ABHD8: variants seen among roughly 807,000 people sequenced by gnomAD.
ABHD8 encodes protein ABHD8.
Under a neutral mutation model 29.3 loss-of-function variants are expected in ABHD8, and 10 were observed. The ratio of observed to expected loss-of-function variants is 0.34; its 90% confidence interval spans 0.21 to 0.58. The LOEUF (loss-of-function observed/expected upper bound fraction) is 0.58, where lower values mean the gene tolerates loss of function less well. ABHD8 is among the 20% of genes least tolerant of loss of function. ABHD8 has a pLI of 0.85. For missense variants in ABHD8, 556 were observed against 615.3 expected (o/e 0.90, Z 1.02); for synonymous variants, 282 against 274.6 (o/e 1.03, Z -0.27).
rs1204403536 is a variant in ABHD8 at position 17,294,683 on chromosome 19, G to A, written c.924C>T (p.Ser308=). ...GGGGTGGGGACACTCACTTGAGGAA[G>A]CTCCAGGCCAGGCAGGGCGACAAGC... ...LHCLSPCLAW[S]FLKAGFARQG... Residue 308 remains serine, a synonymous_variant, in exon 3 of 5, where the codon AGC becomes AGT. Coordinates refer to ENST00000247706, the MANE Select transcript of ABHD8 (RefSeq NM_024527.5). The A allele has an allele frequency of 9.3e-6, 15 of 1,613,714 alleles. No individual in the cohort carries two copies. Among genetic ancestry groups the A allele is most frequent in the African/African-American group, 1.3e-5 (1 of 74,930 alleles).
Position 17,294,392 on chromosome 19 carries a change from C to T in ABHD8, c.1045G>A (p.Glu349Lys). ...TCGGCGTGGTAGACCTCGTCGCCCT[C>T]GGGCCAGTACTGGCCGCTCATCATG... ...RAMMSGQYWP[E>K]GDEVYHAELT... The change falls in exon 4 of 5, where the codon GAG becomes AAG. Residue 349 changes from glutamate to lysine, a missense_variant. Physicochemically the swap from Glu to Lys is moderately conservative, Grantham distance 56. Around this residue, in one of 2 missense-constraint regions of ABHD8, gnomAD observed 270 missense variants for 353.9 expected, o/e 0.76. Transcript: ENST00000247706. 2 of 1,614,034 alleles carry T rather than the reference C, an allele frequency of 1.2e-6. No homozygotes were observed. Among genetic ancestry groups the T allele is most frequent in the Non-Finnish European group, 8.5e-7 (1 of 1,180,008 alleles).
At position 17,294,382 on chromosome 19, in the gene ABHD8, T is replaced by G; in HGVS notation, c.1055A>C (p.Glu352Ala). 2 of 1,613,978 alleles carry G rather than the reference T, an allele frequency of 1.2e-6. No individual in the cohort carries two copies. The highest frequency in any genetic ancestry group is 1.7e-6 in the Non-Finnish European group (2 of 1,179,996). ...CACGGTGAGCTCGGCGTGGTAGACC[T>G]CGTCGCCCTCGGGCCAGTACTGGCC... ...MSGQYWPEGD[E>A]VYHAELTVPV... The change falls in exon 4 of 5, where the codon GAG becomes GCG. Residue 352 changes from glutamate to alanine, a missense_variant. Coordinates refer to ENST00000247706, the MANE Select transcript of ABHD8 (RefSeq NM_024527.5).
chr19:17,293,845 C>A (rs1169068550), intron 4 of ABHD8, among the ~76,000 whole-genome samples: 2 of 152,080 alleles, frequency 1.3e-5, no homozygotes, highest in African/African-American at 2.4e-5. Context: ...TGGCGTGAAC[C>A]ACCTCGCCGG....
chr19:17,302,541 G>T (rs572920393), intron 1 of ABHD8, among the ~76,000 whole-genome samples: 39 of 152,326 alleles, frequency 2.6e-4, no homozygotes, highest in Non-Finnish European at 4.1e-4. Context: ...TAGGAGAGGG[G>T]GATGGGGACT....
chr19:17,294,267 G>T, intron 4 of ABHD8, 21 bp downstream of exon 4: 1 of 1,589,750 alleles, frequency 6.3e-7, no homozygotes, highest in Non-Finnish European at 8.5e-7. Flanking sequence ...TAGCTGTGGC[G>T]CCCCAGGTGC....
rs371431966 is a variant in ABHD8, at chr19:17,301,642, A to C, written c.-8-18T>G. The stretch of plus-strand genomic sequence containing the variant: ...GGTGTGTCCTGTGAGTGAGGACAGC[A>C]GCCAGTTCAGGTGCTGTCTCAATGA... On this transcript the variant is annotated intron_variant, in intron 1 of 4. Transcript: ENST00000247706. The C allele has an allele frequency of 9.3e-5, 141 of 1,519,484 alleles. No individual in the cohort carries two copies. Among genetic ancestry groups the C allele is most frequent in the Non-Finnish European group, 1.2e-4 (133 of 1,137,020 alleles). 94.1% of individuals were successfully genotyped at this position (1,519,484 alleles called of 1,614,324 possible).
In ABHD8 at chr19:17,301,236, G is replaced by A. The variant is rs1442002542; in HGVS notation, c.381C>T (p.Ser127=). 3.1e-6 allele frequency: 5 copies of A among 1,591,486 alleles called. No homozygotes were observed. The highest frequency in any genetic ancestry group is 2.2e-5 in the South Asian group (2 of 89,318). Residue 127 remains serine, a synonymous_variant, in exon 2 of 5, where the codon AGC becomes AGT. Transcript: ENST00000247706. ...CGCTGCCGGGGGCCAAGCGGCCATC[G>A]CTGCCCGCCGGATCTGCCAGCTCCA... ...LEVELADPAG[S]DGRLAPGSAG... is the part of the protein sequence containing the mutation.
In ABHD8 at chr19:17,301,375, C is replaced by T. The variant is rs778010815; in HGVS notation, c.242G>A (p.Arg81Gln). The T allele has an allele frequency of 3.1e-6, 5 of 1,610,988 alleles. No homozygotes were observed. Among genetic ancestry groups the T allele is most frequent in the Non-Finnish European group, 2.5e-6 (3 of 1,179,922 alleles). ...DLSGLVRCQR[R>Q]ITVYRNGRLL... ...CCGCCCATTGCGGTACACGGTGATC[C>T]GGCGCTGACAGCGGACCAAGCCGGA... Residue 81 changes from arginine (R) to glutamine (Q), a missense_variant, in exon 2 of 5, where the codon CGG becomes CAG. By Grantham distance (43) the Arg-to-Gln change is conservative (BLOSUM62 1). Coordinates refer to ENST00000247706, the MANE Select transcript of ABHD8 (RefSeq NM_024527.5).
At position 17,301,499 on chromosome 19, in the gene ABHD8, G is replaced by A. The variant is rs776077620; in HGVS notation, c.118C>T (p.Pro40Ser). 6.2e-7 allele frequency: 1 copy of A among 1,611,864 alleles called. No homozygotes were observed. The highest frequency in any genetic ancestry group is 1.3e-5 in the African/African-American group (1 of 75,036). ...SDGYTFVEVK[P>S]GRVLRVKHAG... The stretch of plus-strand genomic sequence containing the variant: ...TGCTTCACCCGCAGCACGCGGCCGG[G>A]CTTGACCTCTACAAAGGTGTAGCCA... Residue 40 changes from proline (P) to serine (S), a missense_variant, in exon 2 of 5, where the codon CCC becomes TCC. This residue lies in a region of ABHD8 where 286 missense variants were observed against 261.4 expected (regional missense o/e 1.09). Coordinates refer to ENST00000247706, the MANE Select transcript of ABHD8 (RefSeq NM_024527.5).
chr19:17,295,195 T>C (rs933853605), intron 2 of ABHD8, among the ~76,000 whole-genome samples: 54 of 146,790 alleles, frequency 3.7e-4, no homozygotes, highest in Non-Finnish European at 6.3e-4. Flanking sequence ...AAGCTCCGCT[T>C]CCCGGGTTCA....
chr19:17,303,289 G>T lies in ABHD8; in HGVS notation c.-56C>A, dbSNP rs1054970257. 5 of 152,294 alleles carry T rather than the reference G, an allele frequency of 3.3e-5. No individual in the cohort carries two copies. The highest frequency in any genetic ancestry group is 4.8e-5 in the African/African-American group (2 of 41,472). The allele number at this position is 152,294 out of a possible 1,614,324, so 9.4% of individuals were successfully genotyped here. On this transcript the variant is annotated 5_prime_UTR_variant, in exon 1 of 5. Coordinates refer to ENST00000247706, the MANE Select transcript of ABHD8 (RefSeq NM_024527.5). Reference sequence around the variant, plus strand: ...GGGTCGGGGCGGAGGGGTCCCAGGCGGAGAAGCCAGCGTCCGCCTGCTGGC... The same window carrying T: ...GGGTCGGGGCGGAGGGGTCCCAGGCTGAGAAGCCAGCGTCCGCCTGCTGGC...
intron 1 of ABHD8, among the ~76,000 whole-genome samples, 152 bp from the exon 2 acceptor site, chr19:17,301,776 TTGTGTGTGTGTGTG>T (rs10679164): frequency 1.2e-4 from 17 of 147,464 alleles, no homozygotes; most frequent in African/African-American, 2.3e-4. Flanking sequence ...ATTTTTTTGT[TTGTGTGTGTGTGTG>T]TGTGTGTGTG....
chr19:17,297,170 A>G (rs1568347409), intron 2 of ABHD8, among the ~76,000 whole-genome samples: 2 of 152,204 alleles, frequency 1.3e-5, no homozygotes, highest in Non-Finnish European at 2.9e-5. Flanking sequence ...GACTTCCTGT[A>G]TGCCTTTGGG....
intron 2 of ABHD8, among the ~76,000 whole-genome samples, chr19:17,298,977 A>G (rs1211010972): frequency 6.6e-6 from 1 of 152,154 alleles, no homozygotes; most frequent in Non-Finnish European, 1.5e-5. Context: ...CCTGACCTCA[A>G]GTGATCTGCC....
chr19:17,295,597 A>G (rs578147996), intron 2 of ABHD8, among the ~76,000 whole-genome samples: 1 of 149,880 alleles, frequency 6.7e-6, no homozygotes, highest in East Asian at 2.0e-4. Context: ...TAGTAGACAC[A>G]GGGTTTCAGC....
chr19:17,299,517 C>T (rs577046116), intron 2 of ABHD8, among the ~76,000 whole-genome samples: 35 of 144,812 alleles, frequency 2.4e-4, no homozygotes, highest in African/African-American at 8.3e-4. Flanking sequence ...GCCAGGATCA[C>T]GCCACTGCAC....
In ABHD8 at chr19:17,300,983, C is replaced by T. The variant is rs1356615950; in HGVS notation, c.634G>A (p.Gly212Ser). Residue 212 changes from glycine to serine, a missense_variant, in exon 2 of 5, where the codon GGC (glycine) becomes AGC (serine). This residue lies in a region of ABHD8 where 270 missense variants were observed against 353.9 expected (regional missense o/e 0.76). Coordinates refer to ENST00000247706, the MANE Select transcript of ABHD8 (RefSeq NM_024527.5). ...TGGGGCGCAGAGCTGGCCCCGTGGC[C>T]GGCCAGGTCAGGAGCCACCACCTCA... ...GYEVVAPDLAGHGASSAPQVA... is the reference protein window; with the variant it reads ...GYEVVAPDLASHGASSAPQVA... 6 of 1,613,328 alleles carry T rather than the reference C, an allele frequency of 3.7e-6. No individual in the cohort carries two copies. The highest frequency in any genetic ancestry group is 4.2e-6 in the Non-Finnish European group (5 of 1,180,026).
In ABHD8 at chr19:17,303,223, G is replaced by C. The variant is rs1484813179; in HGVS notation, c.-9+19C>G. 6.6e-6 allele frequency: 1 copy of C among 152,256 alleles called. No homozygotes were observed. The highest frequency in any genetic ancestry group is 1.5e-5 in the Non-Finnish European group (1 of 68,058). 9.4% of individuals were successfully genotyped at this position (152,256 alleles called of 1,614,324 possible). The stretch of plus-strand genomic sequence containing the variant: ...CCCGGGGCTTCGATCTCTCCTTTTG[G>C]GGCCCGTTCCCCGCTCACCTCATCG... On this transcript the variant is annotated intron_variant, in intron 1 of 4. Transcript: ENST00000247706.
intron 2 of ABHD8, among the ~76,000 whole-genome samples, chr19:17,299,553 T>G (rs1394277729): frequency 1.1e-5 from 1 of 93,592 alleles, no homozygotes; most frequent in African/African-American, 4.3e-5. Context: ...AGAGTGAGAC[T>G]CCATCTCAAA....
Sources: allele counts gnomAD v4.1 joint callset (sites outside exome capture counted in the v4.1 genomes callset), GRCh38; gene constraint gnomAD v4.1.1; regional missense constraint gnomAD v4.1.1; transcripts MANE v1.5; gene names NCBI Gene and HGNC (gene_info 2026-07-23, HGNC 2026-07-21).